Variants in FOXP2 observed in about 807,000 individuals in gnomAD.
FOXP2 encodes the protein forkhead box P2, also known as forkhead box protein P2.
Under a neutral mutation model 115.8 loss-of-function variants are expected in FOXP2, and 12 were observed. That is an observed-to-expected ratio of 0.10 (90% CI 0.07 to 0.17). The LOEUF (loss-of-function observed/expected upper bound fraction) is 0.17. FOXP2 is among the 10% of genes least tolerant of loss of function. The probability of loss-of-function intolerance (pLI) is 1.00; values close to 1 mark genes in which losing one functional copy is unlikely to be tolerated. For missense variants in FOXP2, 629 were observed against 843.5 expected (o/e 0.75, Z 3.15); for synonymous variants, 328 against 297.7 (o/e 1.10, Z -1.05).
intron 2 of FOXP2, among the ~76,000 whole-genome samples, chr7:114,471,677 C>T (rs1283674552): frequency 1.3e-5 from 2 of 151,722 alleles, no homozygotes; most frequent in Non-Finnish European, 2.9e-5. Flanking sequence ...CAGCCAGGTG[C>T]GGTGGTTCAC....
chr7:114,488,035 T>C (rs1186328136), intron 2 of FOXP2, among the ~76,000 whole-genome samples: 1 of 152,180 alleles, frequency 6.6e-6, no homozygotes, highest in Non-Finnish European at 1.5e-5. Context: ...AAGACATACC[T>C]GAGACTGGGT....
At chr7:114,413,355 TAA>T (rs1250758038), upstream of FOXP2, among the ~76,000 whole-genome samples, 2 of 152,118 alleles carry the variant, frequency 1.3e-5, no homozygotes, top group African/African-American at 2.4e-5. Context: ...CCTTAAAATA[TAA>T]GTTACTATTG....
intron 3 of FOXP2, among the ~76,000 whole-genome samples, chr7:114,573,131 T>C (rs1488627019): frequency 1.3e-5 from 2 of 151,838 alleles, no homozygotes; most frequent in South Asian, 2.1e-4. Flanking sequence ...GCAATCTCTG[T>C]AGTGTGCCAA....
At chr7:114,310,710 G>A (rs1797128443) in intron 2 of FOXP2, among the ~76,000 whole-genome samples, 1 of 152,090 alleles carries the variant, frequency 6.6e-6, no homozygotes, top group South Asian at 2.1e-4. Context: ...GGGAGGTGGA[G>A]TGGGGGACAA....
intron 16 of FOXP2, among the ~76,000 whole-genome samples, chr7:114,673,102 A>ACC (rs972599904): frequency 6.6e-6 from 1 of 152,224 alleles, no homozygotes; most frequent in Non-Finnish European, 1.5e-5. Flanking sequence ...AGGCAATAAT[A>ACC]CAATTTTTGG....
chr7:114,149,168 G>C (rs1792464559), intron 1 of FOXP2, among the ~76,000 whole-genome samples: 1 of 151,916 alleles, frequency 6.6e-6, no homozygotes, highest in Admixed American at 6.6e-5. Flanking sequence ...TTTTTTCATG[G>C]AACATCAGAC....
chr7:114,136,854 A>G (rs1432022891), intron 1 of FOXP2, among the ~76,000 whole-genome samples: 1 of 151,950 alleles, frequency 6.6e-6, no homozygotes, highest in Admixed American at 6.6e-5. Context: ...CAATACTAAT[A>G]AGCCAATATT....
At chr7:114,177,520 T>C (rs1407374103) in intron 1 of FOXP2, among the ~76,000 whole-genome samples, 1 of 152,136 alleles carries the variant, frequency 6.6e-6, no homozygotes, top group African/African-American at 2.4e-5. Context: ...ATGGACAATT[T>C]GATTGCTTTC....
intron 3 of FOXP2, among the ~76,000 whole-genome samples, chr7:114,556,231 A>C (rs1800445979): frequency 6.6e-6 from 1 of 152,160 alleles, no homozygotes; most frequent in African/African-American, 2.4e-5. Flanking sequence ...TAAGAGGCTT[A>C]TAGGGACCAA....
chr7:114,161,484 G>A (rs1203426703), upstream of FOXP2, among the ~76,000 whole-genome samples: 1 of 151,616 alleles, frequency 6.6e-6, no homozygotes, highest in African/African-American at 2.4e-5. Flanking sequence ...TTGTATTTTA[G>A]CTATTCTGAT....
chr7:114,235,030 A>G (rs1202488156), intron 1 of FOXP2, among the ~76,000 whole-genome samples: 1 of 152,168 alleles, frequency 6.6e-6, no homozygotes, highest in African/African-American at 2.4e-5. Flanking sequence ...ATAGTTGACT[A>G]CCTCAGAATA....
At position 114,210,846 on chromosome 7, in the gene FOXP2, T is replaced by C. The variant is rs547222660; in HGVS notation, c.-102+47758T>C. 2.1e-3 allele frequency among the ~76,000 whole-genome samples: 313 copies of C among 152,010 alleles called. 1 individual carries two copies. Among genetic ancestry groups the C allele is most frequent in the Middle Eastern group, 0.01 (3 of 294 alleles). ...CTCTATCTGTAGGACCCTTCTGGAGTGGCTGCAGCAGCGAGATCCCATCCA... is the reference window on the plus strand; with the variant it reads ...CTCTATCTGTAGGACCCTTCTGGAGCGGCTGCAGCAGCGAGATCCCATCCA... On this transcript the variant is annotated intron_variant, in intron 1 of 17. Coordinates refer to the FOXP2 transcript ENST00000634411.
At chr7:114,528,024 C>G (rs1798956629) in intron 2 of FOXP2, among the ~76,000 whole-genome samples, 1 of 152,028 alleles carries the variant, frequency 6.6e-6, no homozygotes, top group Admixed American at 6.6e-5. Context: ...TATTTTATTG[C>G]CAGATTTCAG....
upstream of FOXP2, among the ~76,000 whole-genome samples, chr7:114,413,325 T>C (rs948170053): frequency 2.0e-5 from 3 of 152,180 alleles, no homozygotes; most frequent in African/African-American, 7.2e-5. Flanking sequence ...GATACTTGAA[T>C]ATTCGCAGTT....
chr7:114,502,261 A>G (rs1797598111), intron 2 of FOXP2, among the ~76,000 whole-genome samples: 2 of 152,124 alleles, frequency 1.3e-5, no homozygotes, highest in South Asian at 2.1e-4. Context: ...TATTCCATAT[A>G]TATGCATTCA....
At chr7:114,642,779 A>ATT (rs1491273950) in intron 7 of FOXP2, among the ~76,000 whole-genome samples, 156 bp downstream of exon 7, 32 of 91,182 alleles carry the variant, frequency 3.5e-4, no homozygotes, top group African/African-American at 1.4e-3. Flanking sequence ...TTTTATATAT[A>ATT]ATATATATAT....
intron 2 of FOXP2, among the ~76,000 whole-genome samples, chr7:114,453,642 T>A (rs1169069772): frequency 6.6e-6 from 1 of 152,166 alleles, no homozygotes; most frequent in Non-Finnish European, 1.5e-5. Context: ...AGTAAGTCTC[T>A]TGTCCTTGCT....
chr7:114,346,468 A>G (rs1350596539), intron 2 of FOXP2, among the ~76,000 whole-genome samples: 1 of 151,906 alleles, frequency 6.6e-6, no homozygotes, highest in Non-Finnish European at 1.5e-5. Context: ...TGTCAAAGAT[A>G]TCTCTGCAGT....
rs545358924 is a variant in FOXP2, at chr7:114,473,259, A to T, written c.168+46580A>T. On this transcript the variant is annotated intron_variant, in intron 2 of 16. Coordinates refer to ENST00000350908, the MANE Select transcript of FOXP2 (RefSeq NM_014491.4). The stretch of plus-strand genomic sequence containing the variant: ...AAAGTAAATACCCAATTCCTGTGTT[A>T]GGTTCAGTAGTCTAAATATAGCCCC... Among the ~76,000 whole-genome samples, 5 of 152,256 alleles carry T rather than the reference A, an allele frequency of 3.3e-5. No homozygotes were observed. The South Asian group carries it at 1.0e-3, about 32-fold the overall frequency.
Sources: allele counts gnomAD v4.1 joint callset (sites outside exome capture counted in the v4.1 genomes callset), GRCh38; gene constraint gnomAD v4.1.1; transcripts MANE v1.5; gene names NCBI Gene and HGNC (gene_info 2026-07-23, HGNC 2026-07-21).